WDFY2: variants seen among roughly 807,000 people sequenced by gnomAD.
WDFY2 encodes WD repeat and FYVE domain-containing protein 2.
Under a neutral mutation model 56.4 loss-of-function variants are expected in WDFY2, and 36 were observed. The observed-to-expected ratio is 0.64, with a 90% CI of 0.49 to 0.84. The LOEUF is 0.84. WDFY2 is among the 40% of genes least tolerant of loss of function. WDFY2 has a pLI of 0.00. For synonymous variants in WDFY2, 176 were observed against 183.7 expected (o/e 0.96, Z 0.34); for missense variants, 444 against 512.2 (o/e 0.87, Z 1.29).
At chr13:51,669,052 A>T (rs913905749) in intron 2 of WDFY2, among the ~76,000 whole-genome samples, 1 of 152,238 alleles carries the variant, frequency 6.6e-6, no homozygotes, top group African/African-American at 2.4e-5. Context: ...CAATTTTGAG[A>T]TAGAAGTATT....
chr13:51,649,416 G>A (rs548695316), intron 1 of WDFY2, among the ~76,000 whole-genome samples: 11 of 151,840 alleles, frequency 7.2e-5, no homozygotes, highest in Non-Finnish European at 1.5e-4. Context: ...GCATTTCAGC[G>A]GTCAGACTTT....
rs191381888 is a variant in WDFY2, at chr13:51,651,061, G to A, written c.138-9535G>A. Among the ~76,000 whole-genome samples, 269 of 152,252 alleles carry A rather than the reference G, an allele frequency of 1.8e-3. 1 individual carries two copies. The highest frequency in any genetic ancestry group is 4.0e-4 in the Non-Finnish European group (27 of 68,020). On this transcript the variant is annotated intron_variant, in intron 1 of 11. Coordinates refer to ENST00000298125, the MANE Select transcript of WDFY2 (RefSeq NM_052950.4). ...TCTGGTCCTGGACTTTTTTTGGTTG[G>A]TAAGCTATTAATTATTGCCTCAATT...
chr13:51,671,829 G>A lies in WDFY2; in HGVS notation c.206-3341G>A, dbSNP rs371365604. Among the ~76,000 whole-genome samples the A allele has an allele frequency of 6.3e-5, 9 of 143,776 alleles. No homozygotes were observed. The South Asian group carries it at 1.5e-3, about 25-fold the overall frequency. The allele number at this position is 143,776 out of a possible 152,430, so 94.3% of individuals were successfully genotyped here. A position where few individuals can be genotyped will look rare whatever the true frequency, so the allele number is the denominator to read the frequency against. ...GACAAGGTCTTCCTCTGTTGCCCAG[G>A]CTGGAGTGCAGTGGCACCATCTCAG... On this transcript the variant is annotated intron_variant, in intron 2 of 11. Transcript: ENST00000298125.
chr13:51,758,670 G>A (rs1450295567), intron 11 of WDFY2, among the ~76,000 whole-genome samples: 2 of 151,960 alleles, frequency 1.3e-5, no homozygotes, highest in African/African-American at 4.8e-5. Context: ...AAATAAGACA[G>A]AGCTCCAGCC....
chr13:51,692,658 T>C (rs1355129861), intron 3 of WDFY2, among the ~76,000 whole-genome samples: 2 of 152,236 alleles, frequency 1.3e-5, no homozygotes, highest in African/African-American at 4.8e-5. Flanking sequence ...AAATTCTCTT[T>C]TTTGGTTGTA....
chr13:51,607,473 G>C lies in WDFY2; in HGVS notation c.137+22649G>C, dbSNP rs77095527. ...CCAAGGAGTGTATATCTTGGGATGG[G>C]AGAGATTTCTGAGAACATTTTTGCA... On this transcript the variant is annotated intron_variant, in intron 1 of 11. Transcript: ENST00000298125. Among the ~76,000 whole-genome samples, 852 of 152,236 alleles carry C rather than the reference G, an allele frequency of 5.6e-3. 6 individuals are homozygous for C. Among genetic ancestry groups the C allele is most frequent in the African/African-American group, 0.019 (798 of 41,548 alleles).
chr13:51,678,356 GT>G (rs1955922511), intron 3 of WDFY2, among the ~76,000 whole-genome samples: 2 of 152,136 alleles, frequency 1.3e-5, no homozygotes, highest in South Asian at 4.1e-4. Context: ...TAATTTGTTA[GT>G]TTATTGACTA....
intron 3 of WDFY2, among the ~76,000 whole-genome samples, chr13:51,691,641 G>C (rs1254356186): frequency 3.3e-5 from 5 of 151,942 alleles, no homozygotes; most frequent in Admixed American, 2.6e-4. Flanking sequence ...GATGCCTCCA[G>C]CTTTGTTCTT....
intron 1 of WDFY2, among the ~76,000 whole-genome samples, chr13:51,608,910 G>A (rs781308418): frequency 1.3e-5 from 2 of 151,130 alleles, no homozygotes; most frequent in Non-Finnish European, 2.9e-5. Flanking sequence ...TTTTCTTTTC[G>A]CCTTTTTCTG....
At chr13:51,681,934 G>T (rs996747079) in intron 3 of WDFY2, among the ~76,000 whole-genome samples, 1 of 152,130 alleles carries the variant, frequency 6.6e-6, no homozygotes, top group Admixed American at 6.6e-5. Flanking sequence ...GTCATCTTTT[G>T]CTCAGTACCT....
intron 1 of WDFY2, among the ~76,000 whole-genome samples, chr13:51,600,082 C>T (rs1954239412): frequency 6.6e-6 from 1 of 152,178 alleles, no homozygotes; most frequent in South Asian, 2.1e-4. Context: ...AGCACTGCCT[C>T]ACATTGAAAT....
At chr13:51,700,802 C>T (rs1951967820) in intron 3 of WDFY2, among the ~76,000 whole-genome samples, 1 of 151,592 alleles carries the variant, frequency 6.6e-6, no homozygotes, top group South Asian at 2.1e-4. Context: ...CCTGTCTCTA[C>T]TAAAAATACA....
intron 3 of WDFY2, among the ~76,000 whole-genome samples, chr13:51,681,172 A>C (rs995313332): frequency 6.6e-6 from 1 of 152,168 alleles, no homozygotes; most frequent in Non-Finnish European, 1.5e-5. Context: ...TTGACTGTAC[A>C]GTTAGTTCAC....
At chr13:51,716,337 TA>T (rs1209687739) in intron 4 of WDFY2, among the ~76,000 whole-genome samples, 5 of 152,216 alleles carry the variant, frequency 3.3e-5, no homozygotes, top group African/African-American at 1.2e-4. Flanking sequence ...TTATACACTA[TA>T]AAATGTTTAA....
At chr13:51,679,452 G>A (rs1955941723) in intron 3 of WDFY2, among the ~76,000 whole-genome samples, 3 of 152,064 alleles carry the variant, frequency 2.0e-5, no homozygotes, top group Admixed American at 2.0e-4. Flanking sequence ...TCTATTCTCT[G>A]AAGATTAATC....
chr13:51,746,015 C>A (rs1001099623), intron 7 of WDFY2, among the ~76,000 whole-genome samples: 6 of 136,580 alleles, frequency 4.4e-5, no homozygotes, highest in Non-Finnish European at 7.7e-5. Flanking sequence ...CTCGCTGTGT[C>A]CCCCAGGCTG....
At chr13:51,677,218 C>T (rs1433077775) in intron 3 of WDFY2, among the ~76,000 whole-genome samples, 1 of 150,666 alleles carries the variant, frequency 6.6e-6, no homozygotes, top group Non-Finnish European at 1.5e-5. Flanking sequence ...AGACATCAAA[C>T]CTTAACTTAC....
At chr13:51,595,038 G>A (rs1474277609) in intron 1 of WDFY2, among the ~76,000 whole-genome samples, 1 of 152,050 alleles carries the variant, frequency 6.6e-6, no homozygotes, top group Non-Finnish European at 1.5e-5. Context: ...ATAGAAGGGC[G>A]AGGTTAACTC....
At chr13:51,649,447 T>G (rs1955326535) in intron 1 of WDFY2, among the ~76,000 whole-genome samples, 1 of 151,964 alleles carries the variant, frequency 6.6e-6, no homozygotes, top group Non-Finnish European at 1.5e-5. Context: ...TTAAATACTT[T>G]AAGTTTTAGG....
Sources: allele counts gnomAD v4.1 joint callset (sites outside exome capture counted in the v4.1 genomes callset), GRCh38; gene constraint gnomAD v4.1.1; transcripts MANE v1.5; gene names NCBI Gene and HGNC (gene_info 2026-07-23, HGNC 2026-07-21).